WDFY4: variants seen among roughly 807,000 people sequenced by gnomAD.
WDFY4 encodes the protein WDFY family member 4.
WDFY4 carries 169 observed loss-of-function variants against 351.9 expected under a neutral mutation model. That is an observed-to-expected ratio of 0.48 (90% CI 0.42 to 0.55). WDFY4 has a LOEUF of 0.55. Ranked by LOEUF, WDFY4 falls within the 20% of genes least tolerant of loss-of-function variation. The pLI is 0.00. For synonymous variants in WDFY4, 1,622 were observed against 1,574.6 expected (o/e 1.03, Z -0.71); for missense variants, 3,803 against 3,935.6 (o/e 0.97, Z 0.90).
At chr10:48,944,753 G>A (rs936049382) in intron 49 of WDFY4, among the ~76,000 whole-genome samples, 2 of 152,190 alleles carry the variant, frequency 1.3e-5, no homozygotes, top group African/African-American at 4.8e-5. Flanking sequence ...CAAAGTGGTG[G>A]TTTGCAAGCC....
chr10:48,795,937 G>C (rs1335875028), intron 23 of WDFY4, among the ~76,000 whole-genome samples: 1 of 152,154 alleles, frequency 6.6e-6, no homozygotes, highest in Admixed American at 6.5e-5. Context: ...GTGCAGCCAG[G>C]CTCATGGGCA....
intron 47 of WDFY4, among the ~76,000 whole-genome samples, chr10:48,932,932 C>T (rs549262988): frequency 1.2e-4 from 18 of 151,936 alleles, no homozygotes; most frequent in Non-Finnish European, 1.6e-4. Flanking sequence ...GAGGGGAGGG[C>T]GAAGAGCTGA....
At chr10:48,964,835 G>A (rs1327620581) in intron 54 of WDFY4, among the ~76,000 whole-genome samples, 1 of 152,222 alleles carries the variant, frequency 6.6e-6, no homozygotes, top group East Asian at 1.9e-4. Flanking sequence ...GTGTGTGGAG[G>A]TGTTTTGTTC....
At chr10:48,724,228 G>A (rs1589457563) in intron 5 of WDFY4, among the ~76,000 whole-genome samples, 1 of 152,138 alleles carries the variant, frequency 6.6e-6, no homozygotes, top group East Asian at 1.9e-4. Flanking sequence ...ACAGAGGACT[G>A]TGGGGCCCGT....
chr10:48,897,630 C>G, intron 45 of WDFY4, 56 bp downstream of exon 45: 1 of 1,526,932 alleles, frequency 6.5e-7, no homozygotes, highest in Non-Finnish European at 8.8e-7. Flanking sequence ...GGCCATGGGA[C>G]AGGTGGTCCA....
intron 19 of WDFY4, among the ~76,000 whole-genome samples, chr10:48,781,399 C>T (rs116825608): frequency 0.017 from 2,594 of 152,100 alleles, 82 homozygotes; most frequent in African/African-American, 0.06. Flanking sequence ...AGGATTCAAG[C>T]GATTCTCCTT....
At chr10:48,971,469 C>G (rs1842333407) in intron 57 of WDFY4, among the ~76,000 whole-genome samples, 2 of 151,426 alleles carry the variant, frequency 1.3e-5, no homozygotes, top group Admixed American at 1.3e-4. Flanking sequence ...ACACTCCAGC[C>G]TGGGTGACAG....
intron 13 of WDFY4, among the ~76,000 whole-genome samples, chr10:48,769,899 T>A (rs76653473): frequency 0.014 from 2,094 of 152,346 alleles, 11 homozygotes; most frequent in Non-Finnish European, 0.02. Flanking sequence ...CTGTGCTAAT[T>A]TGCCTTGCGG....
In WDFY4 at chr10:48,743,647, A is replaced by G. The variant is rs112412769; in HGVS notation, c.2459+99A>G. On this transcript the variant is annotated intron_variant, in intron 12 of 61. Transcript: ENST00000325239. ...ACTCAGTAGGAAGGCTCAGCTACAGAATGGGTGTGCAGAAATGTCATGTGA... is the reference window on the plus strand; with the variant it reads ...ACTCAGTAGGAAGGCTCAGCTACAGGATGGGTGTGCAGAAATGTCATGTGA... 249 of 1,333,886 alleles carry G rather than the reference A, an allele frequency of 1.9e-4. 2 individuals are homozygous for G. The African/African-American group carries it at 3.1e-3, about 17-fold the overall frequency. The allele number at this position is 1,333,886 out of a possible 1,614,324, so 82.6% of individuals were successfully genotyped here. A position where few individuals can be genotyped will look rare whatever the true frequency, so the allele number is the denominator to read the frequency against.
At chr10:48,908,011 T>C (rs888815152) in intron 47 of WDFY4, among the ~76,000 whole-genome samples, 1 of 152,214 alleles carries the variant, frequency 6.6e-6, no homozygotes, top group Non-Finnish European at 1.5e-5. Context: ...GCCATGAGCA[T>C]CTGATCCCTG....
chr10:48,757,898 C>T (rs565725613), intron 12 of WDFY4, among the ~76,000 whole-genome samples: 14 of 152,064 alleles, frequency 9.2e-5, no homozygotes, highest in Non-Finnish European at 1.5e-5. Context: ...TCTATCCTTC[C>T]CTATTTTTGT....
At chr10:48,711,543 A>G (rs1350689661) in intron 2 of WDFY4, among the ~76,000 whole-genome samples, 4 of 152,140 alleles carry the variant, frequency 2.6e-5, no homozygotes, top group Non-Finnish European at 5.9e-5. Flanking sequence ...TCCCACCTGC[A>G]TGGGCAGCCC....
intron 30 of WDFY4, among the ~76,000 whole-genome samples, chr10:48,813,205 T>C (rs1487543948): frequency 1.3e-5 from 2 of 152,124 alleles, no homozygotes; most frequent in Non-Finnish European, 2.9e-5. Flanking sequence ...GGGAGGGGCG[T>C]GGCTTTGCCA....
chr10:48,811,651 C>A lies in WDFY4; in HGVS notation c.5157C>A (p.Leu1719=), dbSNP rs1209871511. Residue 1719 remains leucine, a synonymous_variant, in exon 30 of 62, where the codon CTC becomes CTA. Coordinates refer to ENST00000325239, the MANE Select transcript of WDFY4 (RefSeq NM_001394531.1). The part of the protein sequence containing the change: ...AHHVHIPEVY[L]IVSTFFLQTP... ...ACGTCCACATTCCAGAGGTCTACCT[C>A]ATCGTCTCCACCTTCTTCCTGCAGA... The A allele has an allele frequency of 6.4e-7, 1 of 1,551,896 alleles. No homozygotes were observed. Among genetic ancestry groups the A allele is most frequent in the Non-Finnish European group, 8.7e-7 (1 of 1,147,040 alleles).
chr10:48,797,909 A>G (rs77116168), intron 24 of WDFY4, among the ~76,000 whole-genome samples: 62 of 152,362 alleles, frequency 4.1e-4, no homozygotes, highest in Middle Eastern at 3.4e-3. Context: ...TATTTTAGGT[A>G]TGTGACTTCG....
chr10:48,978,412 A>T lies in WDFY4; in HGVS notation c.9376+19A>T, dbSNP rs1162869330. ...CCAAGAGGTACCTGACCTGCTAGGG[A>T]TGTGGCCGTCCTGGCCTTGCCCTGC... is the stretch of plus-strand genomic sequence containing the variant. On this transcript the variant is annotated intron_variant, in intron 60 of 61. Transcript: ENST00000325239. 9 of 1,544,624 alleles carry T rather than the reference A, an allele frequency of 5.8e-6. No homozygotes were observed. The highest frequency in any genetic ancestry group is 1.7e-4 in the Middle Eastern group (1 of 5,940).
chr10:48,968,650 G>A (rs1039955813), intron 55 of WDFY4: 16 of 192,876 alleles, frequency 8.3e-5, no homozygotes, highest in Admixed American at 4.8e-4. Context: ...ATTGAAAGGG[G>A]CATGGTTTTC....
intron 39 of WDFY4, among the ~76,000 whole-genome samples, chr10:48,860,345 G>A (rs948838023): frequency 6.6e-6 from 1 of 152,182 alleles, no homozygotes; most frequent in African/African-American, 2.4e-5. Flanking sequence ...AGTTCTACAG[G>A]CTGGGAAGTC....
chr10:48,699,861 T>A (rs1396809608), intron 1 of WDFY4, among the ~76,000 whole-genome samples: 1 of 152,108 alleles, frequency 6.6e-6, no homozygotes, highest in African/African-American at 2.4e-5. Flanking sequence ...GCTTCCAAAG[T>A]CCCTCTCCAA....
Sources: gnomAD v4.1 joint callset for allele counts (sites outside exome capture counted in the v4.1 genomes callset) on GRCh38, gnomAD v4.1.1 for gene constraint, MANE v1.5 for transcripts, NCBI Gene and HGNC (gene_info 2026-07-23, HGNC 2026-07-21) for gene names.